CCDC92B: variants seen among roughly 807,000 people sequenced by gnomAD.
CCDC92B encodes the protein coiled-coil domain containing 92B.
In CCDC92B, 2 loss-of-function variants were observed where a neutral mutation model predicts 5.6. That is an observed-to-expected ratio of 0.36 (90% CI 0.15 to 1.12). The LOEUF (loss-of-function observed/expected upper bound fraction) is 1.12, where lower values mean the gene tolerates loss of function less well. Ranked by LOEUF, CCDC92B falls within the 50% of genes most tolerant of loss-of-function variation. CCDC92B has a pLI of 0.40. For synonymous variants in CCDC92B, 115 were observed against 122.3 expected (o/e 0.94, Z 0.39); for missense variants, 271 against 262.2 (o/e 1.03, Z -0.23).
chr17:2,729,758 A>G (rs1470859981), intron 3 of CCDC92B, among the ~76,000 whole-genome samples: 1 of 152,182 alleles, frequency 6.6e-6, no homozygotes, highest in Non-Finnish European at 1.5e-5. Context: ...TAATCTTGCA[A>G]AAGTAAAAGT....
intron 1 of CCDC92B, among the ~76,000 whole-genome samples, chr17:2,743,396 A>G (rs887204787): frequency 4.6e-5 from 7 of 152,208 alleles, no homozygotes. Flanking sequence ...TCACTGCTGC[A>G]CTCCAGCCTG....
At chr17:2,733,733 A>G (rs1487542226) in intron 2 of CCDC92B, among the ~76,000 whole-genome samples, 1 of 137,906 alleles carries the variant, frequency 7.3e-6, no homozygotes, top group Non-Finnish European at 1.5e-5. Context: ...TGGCTGAATC[A>G]GGACCACTGG....
At position 2,739,417 on chromosome 17, in the gene CCDC92B, A is replaced by C. The variant is rs144745414; in HGVS notation, c.-23-4249T>G. The stretch of plus-strand genomic sequence containing the variant: ...ACAAACAGGCTGGGCGCGGTGGCTC[A>C]TGCCTGTAATCCCAGCACTTTGGGA... On this transcript the variant is annotated intron_variant, in intron 1 of 3. Transcript: ENST00000614400. Among the ~76,000 whole-genome samples, 227 of 151,658 alleles carry C rather than the reference A, an allele frequency of 1.5e-3. 10 individuals are homozygous for C. In the East Asian group the frequency reaches 0.04, roughly 27 times the overall value.
Position 2,723,941 on chromosome 17 carries a change from G to A in CCDC92B, c.*470C>T, listed in dbSNP as rs1382075178. The A allele has an allele frequency of 2.0e-6, 2 of 981,926 alleles. No individual in the cohort carries two copies. The highest frequency in any genetic ancestry group is 6.4e-5 in the Admixed American group (1 of 15,706). The allele number at this position is 981,926 out of a possible 1,614,324, so 60.8% of individuals were successfully genotyped here. A position where few individuals can be genotyped will look rare whatever the true frequency, so the allele number is the denominator to read the frequency against. On this transcript the variant is annotated 3_prime_UTR_variant, in exon 4 of 4. Transcript: ENST00000614400. ...TGGGCCTCTCCTGGGGAGGAAGAAG[G>A]CTTGGCGGGAAGGGCGTCGGCGCGG... is the stretch of plus-strand genomic sequence containing the variant.
intron 1 of CCDC92B, among the ~76,000 whole-genome samples, chr17:2,738,809 G>A (rs183270871): frequency 1.7e-4 from 26 of 150,580 alleles, no homozygotes; most frequent in African/African-American, 5.6e-4. Context: ...AGTGGCTCAC[G>A]CCTGTAATCC....
At chr17:2,732,970 G>A (rs539706679) in intron 2 of CCDC92B, among the ~76,000 whole-genome samples, 29 of 151,540 alleles carry the variant, frequency 1.9e-4, no homozygotes, top group Admixed American at 1.7e-3. Flanking sequence ...CCGAGATCAC[G>A]CCACTGCACT....
chr17:2,732,977 C>T (rs2070812640), intron 2 of CCDC92B, among the ~76,000 whole-genome samples: 2 of 150,984 alleles, frequency 1.3e-5, no homozygotes, highest in East Asian at 3.9e-4. Context: ...CACGCCACTG[C>T]ACTCCAGCCT....
At chr17:2,738,849 T>C (rs2070886646) in intron 1 of CCDC92B, among the ~76,000 whole-genome samples, 1 of 150,760 alleles carries the variant, frequency 6.6e-6, no homozygotes, top group South Asian at 2.1e-4. Flanking sequence ...GGCGGGTGGA[T>C]CACCTGAGGT....
At chr17:2,743,109 C>T (rs192733810) in intron 1 of CCDC92B, among the ~76,000 whole-genome samples, 89 of 152,312 alleles carry the variant, frequency 5.8e-4, no homozygotes, top group Middle Eastern at 6.8e-3. Flanking sequence ...CCCTTGTTTT[C>T]CATGCAGGAG....
chr17:2,725,288 CAG>C (rs549351839), intron 3 of CCDC92B, among the ~76,000 whole-genome samples: 329 of 152,090 alleles, frequency 2.2e-3, no homozygotes, highest in African/African-American at 7.7e-3. Context: ...GAGGCTGAGA[CAG>C]GGGACTCGCT....
chr17:2,730,469 C>G lies in CCDC92B; in HGVS notation c.155G>C (p.Arg52Thr), dbSNP rs1334559974. 1 of 984,344 alleles carries G rather than the reference C, an allele frequency of 1.0e-6. No individual in the cohort carries two copies. Among genetic ancestry groups the G allele is most frequent in the Non-Finnish European group, 1.2e-6 (1 of 830,094 alleles). 61.0% of individuals were successfully genotyped at this position (984,344 alleles called of 1,614,324 possible). A position where few individuals can be genotyped will look rare whatever the true frequency, so the allele number is the denominator to read the frequency against. ...ACCTTGCTGGTGAGATTGGGCCTCT[C>G]TCATTTCCAGGTCATGGGTCAGTTC... Reference protein sequence around the residue: ...CSELTHDLEMREAQSHQQEAA... With the variant: ...CSELTHDLEMTEAQSHQQEAA... Residue 52 changes from arginine to threonine, a missense_variant, in exon 3 of 4, where the codon AGA becomes ACA. Arg to Thr is a moderately conservative substitution (Grantham distance 71, BLOSUM62 -1). Transcript: ENST00000614400.
At chr17:2,749,189 C>T (rs2071025273) in intron 1 of CCDC92B, among the ~76,000 whole-genome samples, 1 of 152,078 alleles carries the variant, frequency 6.6e-6, no homozygotes, top group Non-Finnish European at 1.5e-5. Context: ...GGCTCGACCT[C>T]GGGCCGCTCT....
chr17:2,725,785 G>A (rs2070721638), intron 3 of CCDC92B, among the ~76,000 whole-genome samples: 1 of 151,740 alleles, frequency 6.6e-6, no homozygotes, highest in Non-Finnish European at 1.5e-5. Flanking sequence ...GACCTCATCA[G>A]GGAAGTCTTC....
chr17:2,744,787 T>A (rs1461588236), intron 1 of CCDC92B, among the ~76,000 whole-genome samples: 8 of 152,102 alleles, frequency 5.3e-5, no homozygotes, highest in African/African-American at 1.9e-4. Flanking sequence ...GCAACCAGGC[T>A]CAGTGGCTCA....
intron 1 of CCDC92B, among the ~76,000 whole-genome samples, chr17:2,741,942 C>T (rs557043097): frequency 3.2e-4 from 47 of 146,158 alleles, no homozygotes; most frequent in African/African-American, 1.5e-4. Context: ...GCCGAGATCA[C>T]GCCACTGCAC....
At position 2,722,682 on chromosome 17, in the gene CCDC92B, C is replaced by T. The variant is rs2070671268; in HGVS notation, c.*1729G>A. ...GTCACCCCTAGAGCTTGACTCTGCT[C>T]ACCTCCCAGACCCCTGCGTGACAGA... On this transcript the variant is annotated 3_prime_UTR_variant, in exon 4 of 4. Coordinates refer to ENST00000614400, the MANE Select transcript of CCDC92B (RefSeq NM_001355573.2). 1 of 152,294 alleles carries T rather than the reference C, an allele frequency of 6.6e-6. No individual in the cohort carries two copies. The highest frequency in any genetic ancestry group is 2.4e-5 in the African/African-American group (1 of 41,448). The allele number at this position is 152,294 out of a possible 1,614,324, so 9.4% of individuals were successfully genotyped here.
intron 1 of CCDC92B, chr17:2,747,985 C>T (rs893457758): frequency 5.6e-5 from 21 of 375,140 alleles, no homozygotes; most frequent in African/African-American, 4.0e-4. Context: ...GATGAGGAGA[C>T]AGGCTTAGAA....
chr17:2,725,094 C>A, intron 3 of CCDC92B, 94 bp from the exon 4 acceptor site: 2 of 985,634 alleles, frequency 2.0e-6, no homozygotes, highest in Non-Finnish European at 2.4e-6. Flanking sequence ...ACCCCCAGGC[C>A]GGGCGCGGGG....
intron 3 of CCDC92B, among the ~76,000 whole-genome samples, chr17:2,727,371 C>T (rs569265213): frequency 7.2e-5 from 11 of 152,296 alleles, no homozygotes; most frequent in South Asian, 4.1e-4. Context: ...AAATCTTCCC[C>T]GGTGGTTCTC....
Sources: gnomAD v4.1 joint callset for allele counts (sites outside exome capture counted in the v4.1 genomes callset) on GRCh38, gnomAD v4.1.1 for gene constraint, MANE v1.5 for transcripts, NCBI Gene and HGNC (gene_info 2026-07-23, HGNC 2026-07-21) for gene names.